CFAP61: variants seen among roughly 807,000 people sequenced by gnomAD.
The protein encoded by CFAP61 is cilia- and flagella-associated protein 61.
In CFAP61, 107 loss-of-function variants were observed where a neutral mutation model predicts 135.6. The observed-to-expected ratio is 0.79, with a 90% confidence interval of 0.67 to 0.93. CFAP61 has a LOEUF of 0.93. Ranked by LOEUF, CFAP61 falls within the 40% of genes least tolerant of loss-of-function variation. The pLI, the probability that CFAP61 is intolerant of heterozygous loss-of-function variation, is 0.00. For synonymous variants in CFAP61, 575 were observed against 578.5 expected, an observed-to-expected ratio of 0.99 and a Z score of 0.09; for missense variants, 1,507 against 1,556.2, an observed-to-expected ratio of 0.97 and a Z score of 0.53.
At chr20:20,067,102 AAAAG>A (rs1470583327) in intron 2 of CFAP61, among the ~76,000 whole-genome samples, 1 of 152,172 alleles carries the variant, frequency 6.6e-6, no homozygotes, top group Non-Finnish European at 1.5e-5. Flanking sequence ...TTAAAAAAAA[AAAAG>A]AAAATAAGTT....
chr20:20,177,561 GC>G (rs1391694635), intron 13 of CFAP61, among the ~76,000 whole-genome samples: 1 of 151,548 alleles, frequency 6.6e-6, no homozygotes, highest in Non-Finnish European at 1.5e-5. Flanking sequence ...CCCCAGCAAA[GC>G]CCCCTCATTC....
Position 20,084,392 on chromosome 20 carries a change from C to T in CFAP61, c.567-6452C>T, listed in dbSNP as rs11907120. On this transcript the variant is annotated intron_variant, in intron 6 of 26. Transcript: ENST00000245957. ...GGAGGCTGTGCCAGGATTCTGGATG[C>T]GGAGGTGGCCTGCTGCTGCTGCTGC... Among the ~76,000 whole-genome samples the T allele has an allele frequency of 6.2e-3, 943 of 151,282 alleles. 8 individuals are homozygous for T. The highest frequency in any genetic ancestry group is 0.022 in the African/African-American group (897 of 40,882).
In CFAP61 at chr20:20,122,082, T is replaced by A. The variant is rs556290562; in HGVS notation, c.860-20775T>A. Among the ~76,000 whole-genome samples, 4 of 152,124 alleles carry A rather than the reference T, an allele frequency of 2.6e-5. No individual in the cohort carries two copies. The South Asian group carries it at 8.3e-4, about 32-fold the overall frequency. ...AGTATACATTGTACTCTATTTGTAG[T>A]CTTTTATCCCTCATCCCCCTCCCAG... On this transcript the variant is annotated intron_variant, in intron 8 of 26. Coordinates refer to ENST00000245957, the MANE Select transcript of CFAP61 (RefSeq NM_015585.4).
chr20:20,223,229 G>A lies in CFAP61; in HGVS notation c.1933-5020G>A, dbSNP rs1267242287. ...AAAGTATTTGCAGACATTTTTAAAA[G>A]ACTGGTTCCCATGTTTGCCTGCTGA... On this transcript the variant is annotated intron_variant, in intron 17 of 26. Coordinates refer to ENST00000245957, the MANE Select transcript of CFAP61 (RefSeq NM_015585.4). 2.0e-5 allele frequency among the ~76,000 whole-genome samples: 3 copies of A among 152,148 alleles called. No individual in the cohort carries two copies. In the East Asian group the frequency reaches 5.8e-4, roughly 29 times the overall value.
intron 25 of CFAP61, among the ~76,000 whole-genome samples, chr20:20,317,720 G>A (rs982221146): frequency 7.9e-5 from 12 of 152,232 alleles, no homozygotes; most frequent in African/African-American, 2.4e-4. Context: ...GCCAGGATAC[G>A]TGCTGAAGGC....
At chr20:20,327,149 T>C (rs1006898441) in intron 25 of CFAP61, among the ~76,000 whole-genome samples, 2 of 152,176 alleles carry the variant, frequency 1.3e-5, no homozygotes, top group African/African-American at 4.8e-5. Context: ...TAAGCATATT[T>C]TATTAGATTA....
At chr20:20,116,831 A>C (rs1222974683) in intron 8 of CFAP61, among the ~76,000 whole-genome samples, 3 of 152,010 alleles carry the variant, frequency 2.0e-5, no homozygotes, top group Non-Finnish European at 2.9e-5. Flanking sequence ...TAGTTTCCAC[A>C]TGTGAGTGAG....
chr20:20,075,754 G>T, intron 6 of CFAP61, 139 bp downstream of exon 6: 2 of 849,390 alleles, frequency 2.4e-6, no homozygotes, highest in South Asian at 1.8e-5. Context: ...TACTTCATTT[G>T]GATATCTTTA....
At chr20:20,307,385 A>G (rs1601927946) in intron 25 of CFAP61, among the ~76,000 whole-genome samples, 1 of 152,226 alleles carries the variant, frequency 6.6e-6, no homozygotes, top group East Asian at 1.9e-4. Context: ...GTATATGTTG[A>G]TGGACAGTAA....
At chr20:20,318,184 A>T (rs934498270) in intron 25 of CFAP61, among the ~76,000 whole-genome samples, 16 of 152,150 alleles carry the variant, frequency 1.1e-4, no homozygotes, top group Admixed American at 1.0e-3. Flanking sequence ...GGAGGATTTG[A>T]CACATGAACG....
intron 18 of CFAP61, among the ~76,000 whole-genome samples, chr20:20,229,381 G>A (rs1416267472): frequency 6.6e-6 from 1 of 152,114 alleles, no homozygotes. Flanking sequence ...CTGACTTTGG[G>A]AACCACAGAA....
intron 18 of CFAP61, chr20:20,232,630 G>A (rs2049235521): frequency 6.6e-6 from 1 of 152,290 alleles, no homozygotes; most frequent in Non-Finnish European, 1.5e-5. Context: ...TGAGGCAGTT[G>A]CTGTCCCCTT....
chr20:20,085,386 G>C, intron 6 of CFAP61: 1 of 1,350,878 alleles, frequency 7.4e-7, no homozygotes, highest in Non-Finnish European at 9.8e-7. Context: ...TCGGGCTGAT[G>C]CAAGATCATA....
intron 8 of CFAP61, among the ~76,000 whole-genome samples, chr20:20,130,314 G>A (rs1600835853): frequency 6.6e-6 from 1 of 151,584 alleles, no homozygotes; most frequent in African/African-American, 2.4e-5. Context: ...AGATCACTGA[G>A]TTTCCTTAAA....
chr20:20,328,593 A>G (rs1180547635), intron 25 of CFAP61, among the ~76,000 whole-genome samples: 1 of 152,206 alleles, frequency 6.6e-6, no homozygotes, highest in East Asian at 1.9e-4. Context: ...TCAAAAAAAA[A>G]GGCAACCTAT....
chr20:20,091,342 G>A (rs953131966), intron 7 of CFAP61, among the ~76,000 whole-genome samples: 1 of 152,168 alleles, frequency 6.6e-6, no homozygotes, highest in Non-Finnish European at 1.5e-5. Context: ...GTTTGAGTTG[G>A]AAAGGTATTT....
intron 21 of CFAP61, among the ~76,000 whole-genome samples, chr20:20,275,673 T>C (rs2053698189): frequency 6.6e-6 from 1 of 152,202 alleles, no homozygotes; most frequent in Admixed American, 6.5e-5. Flanking sequence ...GTGTGAGACC[T>C]AAACACACTT....
At chr20:20,330,929 C>T (rs1480033601) in intron 25 of CFAP61, among the ~76,000 whole-genome samples, 1 of 152,204 alleles carries the variant, frequency 6.6e-6, no homozygotes, top group South Asian at 2.1e-4. Flanking sequence ...AGAATGGAGG[C>T]TGCAGGTTTC....
At chr20:20,193,590 AATTCT>A (rs2056075194) in intron 15 of CFAP61, among the ~76,000 whole-genome samples, 1 of 151,922 alleles carries the variant, frequency 6.6e-6, no homozygotes, top group South Asian at 2.1e-4. Flanking sequence ...CTGTGTGTAG[AATTCT>A]ATTCAAATTA....
Sources: gnomAD v4.1 joint callset for allele counts (sites outside exome capture counted in the v4.1 genomes callset) on GRCh38, gnomAD v4.1.1 for gene constraint, MANE v1.5 for transcripts, NCBI Gene and HGNC (gene_info 2026-07-23, HGNC 2026-07-21) for gene names.